Variants in SHANK1 observed in about 807,000 individuals in gnomAD.
SHANK1 encodes SH3 and multiple ankyrin repeat domains protein 1.
Under a neutral mutation model 165.6 loss-of-function variants are expected in SHANK1, and 35 were observed. The observed-to-expected ratio is 0.21, with a 90% CI of 0.16 to 0.28. SHANK1 has a LOEUF of 0.28. SHANK1 is among the 10% of genes least tolerant of loss of function. The probability of loss-of-function intolerance (pLI) is 1.00; values close to 1 mark genes in which losing one functional copy is unlikely to be tolerated. For synonymous variants in SHANK1, 1,428 were observed against 1,384.8 expected, an observed-to-expected ratio of 1.03 and a Z score of -0.69; for missense variants, 2,681 against 3,036.4, an observed-to-expected ratio of 0.88 and a Z score of 2.75.
At position 50,662,217 on chromosome 19, in the gene SHANK1, C is replaced by T. The variant is rs368607332; in HGVS notation, c.6234G>A (p.Pro2078=). The part of the protein sequence containing the change: ...ALSGASRSLS[P]TRLLSLPPDK... ...CCGGGGGCAGCGAGAGCAGGCGGGT[C>T]GGTGAGAGGGAGCGCGAGGCCCCTG... Residue 2078 remains proline, a synonymous_variant, in exon 24 of 24, where the codon CCG becomes CCA. Transcript: ENST00000293441. The surrounding 1 kb of genome is among the most constrained non-coding windows in gnomAD (Gnocchi z 7.7). 1.3e-5 allele frequency: 21 copies of T among 1,609,536 alleles called. No homozygotes were observed. The highest frequency in any genetic ancestry group is 3.3e-5 in the South Asian group (3 of 90,666).
intron 15 of SHANK1, among the ~76,000 whole-genome samples, chr19:50,693,671 C>T (rs1340017113): frequency 1.3e-5 from 2 of 152,142 alleles, no homozygotes; most frequent in African/African-American, 2.4e-5. Context: ...CAGCCCCTTC[C>T]CACGTACCCG....
rs745613756 is a variant in SHANK1, at chr19:50,662,322, T to C, written c.6129A>G (p.Ala2043=). 1 of 1,607,824 alleles carries C rather than the reference T, an allele frequency of 6.2e-7. No individual in the cohort carries two copies. The highest frequency in any genetic ancestry group is 2.2e-5 in the East Asian group (1 of 44,674). ...FDIRGSPTGG[A]GGSADPFAPV... is the part of the protein sequence containing the mutation. ...GGGCGAAGGGGTCAGCCGAGCCTCC[T>C]GCCCCTCCAGTTGGGGAGCCACGGA... Residue 2043 remains alanine (A), a synonymous_variant, in exon 24 of 24, where the codon GCA becomes GCG. Transcript: ENST00000293441. This position sits in a 1 kb window ranked among gnomAD's most constrained non-coding sequence, Gnocchi z 7.7.
chr19:50,709,366 C>T (rs547124702), intron 8 of SHANK1, among the ~76,000 whole-genome samples: 59 of 152,250 alleles, frequency 3.9e-4, no homozygotes, highest in Non-Finnish European at 7.6e-4. Flanking sequence ...TGGTCTCAAT[C>T]TCCTGACCTA....
intron 11 of SHANK1, among the ~76,000 whole-genome samples, chr19:50,703,124 CT>C (rs1405046042): frequency 6.6e-6 from 1 of 151,812 alleles, no homozygotes; most frequent in Non-Finnish European, 1.5e-5. Flanking sequence ...TCCCCCGCCC[CT>C]TCCTCATCCT....
intron 4 of SHANK1, among the ~76,000 whole-genome samples, chr19:50,715,159 G>A (rs1044336279): frequency 2.0e-5 from 3 of 152,130 alleles, no homozygotes; most frequent in African/African-American, 7.2e-5. Context: ...GACAGGGGCT[G>A]AGGACTGGCG....
In SHANK1 at chr19:50,712,075, G is replaced by C. The variant is rs1338882275; in HGVS notation, c.832C>G (p.Arg278Gly). ...TGGAACAGAGGGGTCAGCCCCCGAC[G>C]GTCCTTGTAGTTGGGGGAACCCCCA... ...DLGGSPNYKD[R>G]RGLTPLFHTA... The change falls in exon 7 of 24, where the codon CGT becomes GGT. Residue 278 changes from arginine to glycine, a missense_variant. By Grantham distance (125) the Arg-to-Gly change is moderately radical. This residue lies in a region of SHANK1 where 189 missense variants were observed against 440.9 expected (regional missense o/e 0.43). Transcript: ENST00000293441. 6.2e-7 allele frequency: 1 copy of C among 1,608,104 alleles called. No homozygotes were observed. Among genetic ancestry groups the C allele is most frequent in the East Asian group, 2.2e-5 (1 of 44,824 alleles).
At chr19:50,684,143 T>C (rs545914791) in intron 21 of SHANK1, among the ~76,000 whole-genome samples, 32 of 152,070 alleles carry the variant, frequency 2.1e-4, no homozygotes, top group African/African-American at 7.2e-4. Context: ...CAGTTGAGGA[T>C]AGAAGAAGAT....
rs1362673737 is a variant in SHANK1, at chr19:50,697,818, A to G, written c.1861+25T>C. On this transcript the variant is annotated intron_variant, in intron 13 of 23. Transcript: ENST00000293441. This position sits in a 1 kb window ranked among gnomAD's most constrained non-coding sequence, Gnocchi z 4.7. ...GACGTGGGAATCCTAGGGTCCATTGAACACTGCTGGGGGTTCCGCATTACC... is the reference window on the plus strand; with the variant it reads ...GACGTGGGAATCCTAGGGTCCATTGGACACTGCTGGGGGTTCCGCATTACC... The G allele has an allele frequency of 1.3e-6, 2 of 1,592,932 alleles. No homozygotes were observed. The highest frequency in any genetic ancestry group is 1.7e-6 in the Non-Finnish European group (2 of 1,161,642).
Position 50,713,777 on chromosome 19 carries a change from G to T in SHANK1, c.792+21C>A. 6.2e-7 allele frequency: 1 copy of T among 1,610,106 alleles called. No individual in the cohort carries two copies. Among genetic ancestry groups the T allele is most frequent in the Non-Finnish European group, 8.5e-7 (1 of 1,178,236 alleles). ...GGAGAGAGGGCCCCATGGCGGGGAT[G>T]GGGGGTCCCCGAAGCCTCACCGTGA... On this transcript the variant is annotated intron_variant, in intron 6 of 23. Transcript: ENST00000293441. This position sits in a 1 kb window ranked among gnomAD's most constrained non-coding sequence, Gnocchi z 6.2.
In SHANK1 at chr19:50,719,789, C is replaced by A. The variant is rs1187111507; in HGVS notation, c.-427G>T. Among the ~76,000 whole-genome samples, 1 of 151,392 alleles carries A rather than the reference C, an allele frequency of 6.6e-6. No individual in the cohort carries two copies. The highest frequency in any genetic ancestry group is 2.4e-5 in the African/African-American group (1 of 41,230). ...CTCTGCCACCCTTCTCGCTCTCTCGCTCTCGCTGTCTCTCCCTCACCCTGT... is the reference window on the plus strand; with the variant it reads ...CTCTGCCACCCTTCTCGCTCTCTCGATCTCGCTGTCTCTCCCTCACCCTGT... On this transcript the variant is annotated 5_prime_UTR_variant, in exon 1 of 24. Transcript: ENST00000293441.
At position 50,668,833 on chromosome 19, in the gene SHANK1, G is replaced by A; in HGVS notation, c.3127C>T (p.Pro1043Ser). 2.4e-6 allele frequency: 3 copies of A among 1,275,314 alleles called. No homozygotes were observed. The highest frequency in any genetic ancestry group is 3.1e-5 in the South Asian group (1 of 32,402). The allele number at this position is 1,275,314 out of a possible 1,614,324, so 79.0% of individuals were successfully genotyped here. Residue 1043 changes from proline to serine, a missense_variant, in exon 23 of 24, where the codon CCC becomes TCC. Coordinates refer to ENST00000293441, the MANE Select transcript of SHANK1 (RefSeq NM_016148.5). Reference protein sequence around the residue: ...DDPPPRLALGPQPSLRGWRGG... With the variant: ...DDPPPRLALGSQPSLRGWRGG... ...CTCCAGCCTCGCAGGCTGGGCTGGG[G>A]CCCCAGAGCCAGGCGGGGTGGAGGG...
chr19:50,706,281 AG>A (rs1271963365), intron 8 of SHANK1, among the ~76,000 whole-genome samples: 5 of 152,158 alleles, frequency 3.3e-5, no homozygotes, highest in African/African-American at 1.2e-4. Context: ...TGCCAGGCCC[AG>A]AAGGAAGGGG....
chr19:50,688,928 G>A lies in SHANK1; in HGVS notation c.2088C>T (p.Phe696=), dbSNP rs1474526287. The A allele has an allele frequency of 1.3e-6, 2 of 1,562,062 alleles. No individual in the cohort carries two copies. Among genetic ancestry groups the A allele is most frequent in the Non-Finnish European group, 1.7e-6 (2 of 1,152,836 alleles). The change falls in exon 17 of 24, where the codon TTC becomes TTT. Residue 696 remains phenylalanine (F), a synonymous_variant. Transcript: ENST00000293441. This position sits in a 1 kb window ranked among gnomAD's most constrained non-coding sequence, Gnocchi z 6.7. ...CCGACTCCAGGTACTGCAGCGCCGGGAAGGCCGGGGTGGGGGTGAACTCCT... is the reference window on the plus strand; with the variant it reads ...CCGACTCCAGGTACTGCAGCGCCGGAAAGGCCGGGGTGGGGGTGAACTCCT... ...PIEEFTPTPA[F]PALQYLESVD... is the part of the protein sequence containing the mutation.
chr19:50,692,244 T>C (rs2123144438), intron 15 of SHANK1, among the ~76,000 whole-genome samples: 1 of 152,056 alleles, frequency 6.6e-6, no homozygotes, highest in Non-Finnish European at 1.5e-5. Context: ...GAGGAACACT[T>C]ATCGAATTAT....
At chr19:50,679,136 G>A (rs1338969390) in intron 21 of SHANK1, among the ~76,000 whole-genome samples, 1 of 140,052 alleles carries the variant, frequency 7.1e-6, no homozygotes, top group Admixed American at 7.2e-5. Flanking sequence ...ATGGGGAGGG[G>A]TCAGGGTTAC....
Position 50,666,948 on chromosome 19 carries a change from G to A in SHANK1, c.5012C>T (p.Thr1671Met), listed in dbSNP as rs1160965627. Residue 1671 changes from threonine (T) to methionine (M), a missense_variant, in exon 23 of 24, where the codon ACG becomes ATG. Around this residue, in one of 10 missense-constraint regions of SHANK1, gnomAD observed 1,713 missense variants for 1,630.2 expected, o/e 1.05. Transcript: ENST00000293441. ...PQPGPDPPPGTDSGIEEVDSR... is the reference protein window; with the variant it reads ...PQPGPDPPPGMDSGIEEVDSR... Reference sequence around the variant, plus strand: ...GTCCACCTCCTCGATGCCAGAATCCGTGCCAGGCGGAGGGTCCGGGCCAGG... The same window carrying A: ...GTCCACCTCCTCGATGCCAGAATCCATGCCAGGCGGAGGGTCCGGGCCAGG... 3 of 1,598,214 alleles carry A rather than the reference G, an allele frequency of 1.9e-6. No individual in the cohort carries two copies. The highest frequency in any genetic ancestry group is 2.6e-6 in the Non-Finnish European group (3 of 1,171,994).
intron 8 of SHANK1, among the ~76,000 whole-genome samples, chr19:50,705,353 A>G (rs988446661): frequency 1.3e-5 from 2 of 152,204 alleles, no homozygotes; most frequent in Admixed American, 1.3e-4. Context: ...AAAAAAAATA[A>G]TAATTTCTGT....
intron 8 of SHANK1, among the ~76,000 whole-genome samples, chr19:50,705,044 C>T (rs1334904086): frequency 1.3e-5 from 2 of 151,098 alleles, no homozygotes; most frequent in Non-Finnish European, 3.0e-5. Context: ...CTGTCTCCCC[C>T]CCAGAAAAAA....
At chr19:50,693,786 G>A (rs1986624318) in intron 15 of SHANK1, among the ~76,000 whole-genome samples, 1 of 152,072 alleles carries the variant, frequency 6.6e-6, no homozygotes, top group Admixed American at 6.5e-5. Context: ...CAGCTCAGCC[G>A]GGGCTCAGCA....
Sources: allele counts gnomAD v4.1 joint callset (sites outside exome capture counted in the v4.1 genomes callset), GRCh38; gene constraint gnomAD v4.1.1; regional missense constraint gnomAD v4.1.1; non-coding constraint Gnocchi (gnomAD v3.1); transcripts MANE v1.5; gene names NCBI Gene and HGNC (gene_info 2026-07-23, HGNC 2026-07-21).